CD177: variants seen among roughly 807,000 people sequenced by gnomAD.
The protein encoded by CD177 is CD177 antigen.
Under a neutral mutation model 38.1 loss-of-function variants are expected in CD177, and 41 were observed. That is an observed-to-expected ratio of 1.07 (90% confidence interval 0.84 to 1.39). The LOEUF is 1.39. Among genes scored for constraint, CD177 ranks in the 40% most tolerant of loss-of-function variants. The probability of loss-of-function intolerance (pLI) is 0.00; values close to 1 mark genes in which losing one functional copy is unlikely to be tolerated. For missense variants in CD177, 619 were observed against 523.8 expected, an observed-to-expected ratio of 1.18 and a Z score of -1.77; for synonymous variants, 236 against 216.7, an observed-to-expected ratio of 1.09 and a Z score of -0.78.
At chr19:43,355,448 C>A in intron 3 of CD177, 1 of 558,778 alleles carries the variant, frequency 1.8e-6, no homozygotes, top group Non-Finnish European at 3.3e-6. Flanking sequence ...GGTGCCTCTA[C>A]CCAGACCTCC....
intron 3 of CD177, among the ~76,000 whole-genome samples, chr19:43,354,890 C>A (rs1232981818): frequency 6.6e-6 from 1 of 151,812 alleles, no homozygotes; most frequent in Non-Finnish European, 1.5e-5. Context: ...GGTTTAGTAG[C>A]GCTTGCAGGT....
At position 43,360,349 on chromosome 19, in the gene CD177, C is replaced by T; in HGVS notation, c.704C>T (p.Thr235Ile). Reference protein sequence around the residue: ...QEPTDWTTSNTEMCEVGQVCQ... With the variant: ...QEPTDWTTSNIEMCEVGQVCQ... Reference sequence around the variant, plus strand: ...CCCACTGATTGGACCACATCGAATACCGAGATGTGCGAGGTGGGGCAGGTG... The same window carrying T: ...CCCACTGATTGGACCACATCGAATATCGAGATGTGCGAGGTGGGGCAGGTG... The change falls in exon 6 of 9, where the codon ACC (threonine) becomes ATC (isoleucine). Residue 235 changes from threonine to isoleucine, a missense_variant. Transcript: ENST00000618265. 1.2e-6 allele frequency: 2 copies of T among 1,611,382 alleles called. No homozygotes were observed. The highest frequency in any genetic ancestry group is 1.6e-4 in the Middle Eastern group (1 of 6,062).
Position 43,362,263 on chromosome 19 carries a change from G to A in CD177, c.1257G>A (p.Gly419=), listed in dbSNP as rs776909756. The A allele has an allele frequency of 1.2e-6, 2 of 1,607,770 alleles. No individual in the cohort carries two copies. The highest frequency in any genetic ancestry group is 2.2e-5 in the East Asian group (1 of 44,806). ...AGGGCCTGGAGTCTCTCACTTGGGG[G>A]GTGGGGCTGGCACTGGCCCCAGCGC... ...GAEGLESLTW[G]VGLALAPALW... is the part of the protein sequence containing the mutation. The change falls in exon 9 of 9, where the codon GGG becomes GGA. Residue 419 remains glycine (G), a synonymous_variant. Transcript: ENST00000618265.
intron 3 of CD177, 112 bp downstream of exon 3, chr19:43,354,504 G>T (rs1020800147): frequency 5.3e-6 from 6 of 1,125,474 alleles, no homozygotes; most frequent in Non-Finnish European, 6.4e-6. Context: ...CCCGACCCTC[G>T]CTGGCTCCAT....
rs2122238934 is a variant in CD177, at chr19:43,354,352, C to G, written c.339C>G (p.Leu113=). 1 of 1,613,934 alleles carries G rather than the reference C, an allele frequency of 6.2e-7. No homozygotes were observed. Among genetic ancestry groups the G allele is most frequent in the Middle Eastern group, 1.6e-4 (1 of 6,062 alleles). ...VCRQEDFCNN[L]VNSLPLWAPQ... ...GCCAGGAGGACTTCTGCAACAACCT[C>G]GTTAACTCCCTCCCGCTTTGGGCCC... Residue 113 remains leucine (L), a synonymous_variant, in exon 3 of 9, where the codon CTC becomes CTG. Coordinates refer to ENST00000618265, the MANE Select transcript of CD177 (RefSeq NM_020406.4).
intron 2 of CD177, 24 bp downstream of exon 2, chr19:43,354,017 G>T: frequency 6.2e-7 from 1 of 1,608,078 alleles, no homozygotes; most frequent in Non-Finnish European, 8.5e-7. Context: ...GGCGTGCAGA[G>T]ACCCCGCCCT....
At chr19:43,355,621 C>T in intron 3 of CD177, 40 bp from the exon 4 acceptor site, 1 of 1,610,890 alleles carries the variant, frequency 6.2e-7, no homozygotes. Context: ...AAATCCAGTG[C>T]CCTCTCAGTG....
Position 43,360,810 on chromosome 19 carries a change from A to G in CD177, c.761-333A>G, listed in dbSNP as rs1212403716. ...ACAAACAAACAAAAAGCAGCAAAGT[A>G]TGGGGAATGGAGATCCCAGCTCTGC... On this transcript the variant is annotated intron_variant, in intron 6 of 8. Transcript: ENST00000618265. 1.4e-5 allele frequency: 7 copies of G among 488,558 alleles called. 1 individual carries two copies. Among genetic ancestry groups the G allele is most frequent in the African/African-American group, 3.8e-5 (2 of 52,266 alleles). 30.3% of individuals were successfully genotyped at this position (488,558 alleles called of 1,614,324 possible).
intron 3 of CD177, chr19:43,355,405 C>A: frequency 6.5e-6 from 3 of 458,896 alleles, no homozygotes; most frequent in East Asian, 6.1e-5. Flanking sequence ...AGTCACCACA[C>A]CCAGCCAAGA....
In CD177 at chr19:43,362,914, G is replaced by A. The variant is rs908192161; in HGVS notation, c.*594G>A. ...ATGCATTGCTTAACGACAGGGACGT[G>A]TCGTTAGAAATGTGTCGTTAGGTGA... On this transcript the variant is annotated 3_prime_UTR_variant, in exon 9 of 9. Coordinates refer to ENST00000618265, the MANE Select transcript of CD177 (RefSeq NM_020406.4). 1 of 152,256 alleles carries A rather than the reference G, an allele frequency of 6.6e-6. No individual in the cohort carries two copies. The highest frequency in any genetic ancestry group is 1.5e-5 in the Non-Finnish European group (1 of 68,084). The allele number at this position is 152,256 out of a possible 1,614,324, so 9.4% of individuals were successfully genotyped here. A position where few individuals can be genotyped will look rare whatever the true frequency, so the allele number is the denominator to read the frequency against.
downstream of CD177, among the ~76,000 whole-genome samples, chr19:43,365,725 T>C (rs1970020924): frequency 6.7e-6 from 1 of 149,314 alleles, no homozygotes; most frequent in Non-Finnish European, 1.5e-5. Flanking sequence ...CAGCTCACCG[T>C]GAGGACCCAT....
At chr19:43,353,789 A>G in intron 1 of CD177, 23 bp downstream of exon 1, 1 of 1,613,798 alleles carries the variant, frequency 6.2e-7, no homozygotes, top group Non-Finnish European at 8.5e-7. Context: ...CCCAGCCTGG[A>G]GGAGATTCCC....
intron 6 of CD177, 97 bp downstream of exon 6, chr19:43,360,502 C>A (rs1225344464): frequency 9.0e-6 from 11 of 1,220,054 alleles, no homozygotes; most frequent in Non-Finnish European, 1.2e-5. Flanking sequence ...CTGCTCAGCT[C>A]CCTTCACATC....
At chr19:43,361,747 T>G (rs551158310) in intron 8 of CD177, among the ~76,000 whole-genome samples, 168 bp downstream of exon 8, 16 of 125,840 alleles carry the variant, frequency 1.3e-4, no homozygotes, top group African/African-American at 4.8e-4. Flanking sequence ...ACTCCTGGTC[T>G]GAGGGAGGAG....
chr19:43,366,057 A>G (rs78359104), downstream of CD177, among the ~76,000 whole-genome samples: 3,736 of 152,216 alleles, frequency 0.025, 75 homozygotes, highest in Middle Eastern at 0.099. Context: ...ATTTCTCTAG[A>G]ACCTCCAGCT....
At chr19:43,354,082 G>T in intron 2 of CD177, 89 bp downstream of exon 2, 2 of 1,569,774 alleles carry the variant, frequency 1.3e-6, no homozygotes, top group Admixed American at 1.8e-5. Context: ...CCCTCCGGGG[G>T]ATCGACTCCT....
Position 43,353,745 on chromosome 19 carries a change from G to A in CD177, c.31G>A (p.Gly11Arg). The A allele has an allele frequency of 1.2e-6, 2 of 1,613,910 alleles. No individual in the cohort carries two copies. The highest frequency in any genetic ancestry group is 1.7e-6 in the Non-Finnish European group (2 of 1,179,858). The change falls in exon 1 of 9, where the codon GGG (glycine) becomes AGG (arginine). Residue 11 changes from glycine to arginine, a missense_variant. Physicochemically the swap from Gly to Arg is moderately radical, Grantham distance 125. Transcript: ENST00000618265. ...CGCGGTATTACTGCTGGCCCTCCTG[G>A]GGTTCATCCTCCCACTGCCAGGTGA... is the stretch of plus-strand genomic sequence containing the variant. MSAVLLLALL[G>R]FILPLPGVQA...
intron 3 of CD177, among the ~76,000 whole-genome samples, chr19:43,355,104 C>CTTTTTTTT (rs1156547437): frequency 1.5e-4 from 4 of 26,824 alleles, no homozygotes; most frequent in South Asian, 2.0e-3. Context: ...CTTTTCTTTT[C>CTTTTTTTT]TTTTTTTTTT....
intron 3 of CD177, among the ~76,000 whole-genome samples, chr19:43,355,078 A>C (rs796861939): frequency 0.065 from 1,349 of 20,672 alleles, 29 homozygotes; most frequent in Admixed American, 0.16. Flanking sequence ...CCCACTTGCC[A>C]CCCAAGACAC....
Sources: allele counts gnomAD v4.1 joint callset (sites outside exome capture counted in the v4.1 genomes callset), GRCh38; gene constraint gnomAD v4.1.1; transcripts MANE v1.5; gene names NCBI Gene and HGNC (gene_info 2026-07-23, HGNC 2026-07-21).